Variants in ADAMTS9 observed in about 807,000 individuals in gnomAD.
ADAMTS9 encodes ADAM metallopeptidase with thrombospondin type 1 motif 9.
ADAMTS9 carries 107 observed loss-of-function variants against 257.1 expected under a neutral mutation model. The observed-to-expected ratio is 0.42, with a 90% CI of 0.36 to 0.49. ADAMTS9 has a LOEUF of 0.49. Ranked by LOEUF, ADAMTS9 falls within the 20% of genes least tolerant of loss-of-function variation. The pLI, the probability that ADAMTS9 is intolerant of heterozygous loss-of-function variation, is 0.03. For synonymous variants in ADAMTS9, 982 were observed against 880.9 expected (o/e 1.11, Z -2.03); for missense variants, 2,353 against 2,469.1 (o/e 0.95, Z 1.00).
At chr3:64,549,796 C>A (rs2083246715) in intron 31 of ADAMTS9, among the ~76,000 whole-genome samples, 1 of 152,164 alleles carries the variant, frequency 6.6e-6, no homozygotes, top group African/African-American at 2.4e-5. Flanking sequence ...TAGACACTGC[C>A]AAATGTCCCC....
Position 64,621,210 on chromosome 3 carries a change from C to T in ADAMTS9, c.2717G>A (p.Arg906Lys), listed in dbSNP as rs1411414263. 34 of 1,613,632 alleles carry T rather than the reference C, an allele frequency of 2.1e-5. No individual in the cohort carries two copies. The East Asian group carries it at 7.6e-4, about 36-fold the overall frequency. The change falls in exon 19 of 40, where the codon AGG becomes AAG. Residue 906 changes from arginine to lysine, a missense_variant. Arg to Lys is a conservative substitution (Grantham distance 26). This residue lies in a region of ADAMTS9 where 1,402 missense variants were observed against 1,441.4 expected (regional missense o/e 0.97). Transcript: ENST00000498707. ...AGAAACAGTAAGCTGATCAGATTCCCTGGTGCAAACAAGTTTTCGTTTCCG... is the reference window on the plus strand; with the variant it reads ...AGAAACAGTAAGCTGATCAGATTCCTTGGTGCAAACAAGTTTTCGTTTCCG... ...GERKRKLVCT[R>K]ESDQLTVSDQ...
chr3:64,522,209 G>C lies in ADAMTS9; in HGVS notation c.5770C>G (p.Pro1924Ala). The C allele has an allele frequency of 1.9e-6, 3 of 1,614,064 alleles. No homozygotes were observed. The highest frequency in any genetic ancestry group is 2.5e-6 in the Non-Finnish European group (3 of 1,179,950). The change falls in exon 39 of 40, where the codon CCA (proline) becomes GCA (alanine). Residue 1924 changes from proline (P) to alanine (A), a missense_variant. Pro to Ala is a conservative substitution (Grantham distance 27, BLOSUM62 -1). This residue lies in a region of ADAMTS9 where 1,402 missense variants were observed against 1,441.4 expected (regional missense o/e 0.97). Transcript: ENST00000498707. ...KCGGYCGKCTPSSGTGLEVRV... is the reference protein window; with the variant it reads ...KCGGYCGKCTASSGTGLEVRV... Reference sequence around the variant, plus strand: ...ACCTCCAGGCCAGTACCAGAGGATGGAGTGCATTTTCCACAGTAACCACCG... The same window carrying C: ...ACCTCCAGGCCAGTACCAGAGGATGCAGTGCATTTTCCACAGTAACCACCG...
chr3:64,647,867 G>C, intron 11 of ADAMTS9, 73 bp downstream of exon 11: 2 of 1,303,394 alleles, frequency 1.5e-6, no homozygotes, highest in South Asian at 2.7e-5. Context: ...CTAAACATCG[G>C]TGTCTGATCA....
Position 64,686,435 on chromosome 3 carries a change from C to G in ADAMTS9, c.516+133G>C. ...CTAGCTACCCAAACCATACGAGTTT[C>G]TAGCTGATATTTAACGCCGGAGAGG... On this transcript the variant is annotated intron_variant, in intron 2 of 39. Transcript: ENST00000498707. The surrounding 1 kb of genome is among the most constrained non-coding windows in gnomAD (Gnocchi z 4.6). The G allele has an allele frequency of 7.8e-7, 1 of 1,279,162 alleles. No individual in the cohort carries two copies. The highest frequency in any genetic ancestry group is 1.1e-6 in the Non-Finnish European group (1 of 949,812). The allele number at this position is 1,279,162 out of a possible 1,614,324, so 79.2% of individuals were successfully genotyped here. A position where few individuals can be genotyped will look rare whatever the true frequency, so the allele number is the denominator to read the frequency against.
chr3:64,642,051 T>C, intron 11 of ADAMTS9, 58 bp from the exon 12 acceptor site: 2 of 1,589,746 alleles, frequency 1.3e-6, no homozygotes, highest in Non-Finnish European at 8.6e-7. Flanking sequence ...GTTACAGGAC[T>C]GGCTGTCCTT....
intron 38 of ADAMTS9, 63 bp downstream of exon 38, chr3:64,533,103 A>C (rs1252292272): frequency 2.7e-6 from 4 of 1,466,340 alleles, no homozygotes. Context: ...TACCACAGTA[A>C]TAAAGACAAG....
At chr3:64,582,005 A>G (rs1204234457) in intron 28 of ADAMTS9, among the ~76,000 whole-genome samples, 2 of 152,092 alleles carry the variant, frequency 1.3e-5, no homozygotes, top group Non-Finnish European at 2.9e-5. Context: ...ATTGTTAATG[A>G]CCTTTTTAAA....
intron 11 of ADAMTS9, among the ~76,000 whole-genome samples, chr3:64,643,172 C>T (rs956451350): frequency 4.6e-5 from 7 of 152,038 alleles, no homozygotes; most frequent in African/African-American, 1.4e-4. Flanking sequence ...GTGGGGACTA[C>T]GTCGCTCTCT....
chr3:64,668,950 G>A (rs1701416373), intron 3 of ADAMTS9, among the ~76,000 whole-genome samples: 1 of 152,094 alleles, frequency 6.6e-6, no homozygotes, highest in Admixed American at 6.5e-5. Context: ...TAGTTTACAG[G>A]CACTGAGGAC....
In ADAMTS9 at chr3:64,517,416, G is replaced by GTTTTTTTTTTTTTTGTT. The variant is rs2082789886; in HGVS notation, c.*6-296_*6-295insAACAAAAAAAAAAAAAA. Among the ~76,000 whole-genome samples, 14 of 52,676 alleles carry GTTTTTTTTTTTTTTGTT rather than the reference G, an allele frequency of 2.7e-4. 4 individuals carry two copies. The highest frequency in any genetic ancestry group is 3.1e-3 in the South Asian group (2 of 648). 34.6% of individuals were successfully genotyped at this position (52,676 alleles called of 152,430 possible). On this transcript the variant is annotated intron_variant, in intron 39 of 39. Transcript: ENST00000498707. ...CATCAAGCCCAGCTAATTAAAAATGGTTTTTTTTTTTTTTTTTTTTTTTGC... is the reference window on the plus strand; with the variant it reads ...CATCAAGCCCAGCTAATTAAAAATGGTTTTTTTTTTTTTTGTTTTTTTTTTTTTTTTTTTTTTTTTGC...
At chr3:64,572,197 G>T (rs77295244) in intron 28 of ADAMTS9, among the ~76,000 whole-genome samples, 2 of 152,274 alleles carry the variant, frequency 1.3e-5, no homozygotes, top group East Asian at 3.9e-4. Flanking sequence ...CAGCACCAAG[G>T]TCAGCATCCC....
At chr3:64,569,920 C>G (rs747476586) in intron 28 of ADAMTS9, among the ~76,000 whole-genome samples, 1 of 152,144 alleles carries the variant, frequency 6.6e-6, no homozygotes, top group Admixed American at 6.5e-5. Flanking sequence ...AAATATTCAT[C>G]ATTCAACCTG....
chr3:64,591,036 A>G (rs972615067), intron 28 of ADAMTS9, among the ~76,000 whole-genome samples: 46 of 152,296 alleles, frequency 3.0e-4, no homozygotes, highest in African/African-American at 1.0e-3. Flanking sequence ...GTTCGATAGT[A>G]TAGAGGTCTC....
At chr3:64,567,347 T>A (rs17071103) in intron 29 of ADAMTS9, among the ~76,000 whole-genome samples, 1,657 of 152,264 alleles carry the variant, frequency 0.011, 38 homozygotes, top group African/African-American at 0.036. Flanking sequence ...TCTGAATGAT[T>A]CTCCACTGCA....
At chr3:64,615,131 G>T in intron 21 of ADAMTS9, 190 bp downstream of exon 21, 1 of 627,804 alleles carries the variant, frequency 1.6e-6, no homozygotes, top group Non-Finnish European at 2.6e-6. Context: ...TGAGGTCACT[G>T]GTAGACTAGT....
At chr3:64,601,912 A>G (rs2084469048) in intron 26 of ADAMTS9, 32 bp downstream of exon 26, 2 of 1,554,348 alleles carry the variant, frequency 1.3e-6, no homozygotes, top group South Asian at 1.2e-5. Context: ...CTCAAGTGAA[A>G]GAGAAGCAAG....
chr3:64,536,430 C>T (rs181217621), intron 37 of ADAMTS9, among the ~76,000 whole-genome samples: 177 of 152,276 alleles, frequency 1.2e-3, no homozygotes, highest in Non-Finnish European at 2.0e-3. Flanking sequence ...GAGAGTTATA[C>T]GTTTACTAGT....
At chr3:64,536,480 G>A (rs1433627204) in intron 37 of ADAMTS9, among the ~76,000 whole-genome samples, 2 of 152,158 alleles carry the variant, frequency 1.3e-5, no homozygotes, top group South Asian at 2.1e-4. Context: ...TTAGACCAAA[G>A]GATAATCCTG....
At chr3:64,641,127 G>A (rs1489072044) in intron 12 of ADAMTS9, among the ~76,000 whole-genome samples, 1 of 152,030 alleles carries the variant, frequency 6.6e-6, no homozygotes, top group East Asian at 1.9e-4. Context: ...CTTGATTTGG[G>A]GTCCCAGGTC....
Sources: gnomAD v4.1 joint callset for allele counts (sites outside exome capture counted in the v4.1 genomes callset) on GRCh38, gnomAD v4.1.1 for gene constraint, gnomAD v4.1.1 regional missense constraint, Gnocchi (gnomAD v3.1) non-coding constraint, MANE v1.5 for transcripts, NCBI Gene and HGNC (gene_info 2026-07-23, HGNC 2026-07-21) for gene names.